MALRD1: variants seen among roughly 807,000 people sequenced by gnomAD.
The protein encoded by MALRD1 is MAM and LDL-receptor class A domain-containing protein 1.
A neutral mutation model predicts 242.1 loss-of-function variants in MALRD1; 247 were observed. That is an observed-to-expected ratio of 1.02 (90% CI 0.92 to 1.13). The LOEUF is 1.13. MALRD1 is among the 50% of genes most tolerant of loss of function. The pLI, the probability that MALRD1 is intolerant of heterozygous loss-of-function variation, is 0.00. For synonymous variants in MALRD1, 995 were observed against 866.6 expected (o/e 1.15, Z -2.60); for missense variants, 2,989 against 2,533.1 (o/e 1.18, Z -3.86).
At chr10:19,282,905 T>G (rs1384329570) in intron 20 of MALRD1, 114 bp from the exon 21 acceptor site, 20 of 714,894 alleles carry the variant, frequency 2.8e-5, no homozygotes, top group Non-Finnish European at 2.0e-5. Flanking sequence ...ATTTTAATAA[T>G]GTTTAAAAGT....
chr10:19,119,709 A>G lies in MALRD1; in HGVS notation c.695-3783A>G, dbSNP rs575659097. On this transcript the variant is annotated intron_variant, in intron 5 of 39. Coordinates refer to ENST00000454679, the MANE Select transcript of MALRD1 (RefSeq NM_001142308.3). ...TAGCCTCCAGCTGCATGACTCCTAA[A>G]CTATAATTTCTATTCTTGTGACTAA... Among the ~76,000 whole-genome samples, 3 of 152,312 alleles carry G rather than the reference A, an allele frequency of 2.0e-5. No homozygotes were observed. The East Asian group carries it at 5.8e-4, about 29-fold the overall frequency.
intron 18 of MALRD1, among the ~76,000 whole-genome samples, chr10:19,250,927 C>T (rs1839267810): frequency 6.6e-6 from 1 of 151,796 alleles, no homozygotes; most frequent in African/African-American, 2.4e-5. Flanking sequence ...GGCCCAATTT[C>T]TTACATCTTT....
intron 21 of MALRD1, among the ~76,000 whole-genome samples, chr10:19,300,444 C>G (rs776225811): frequency 7.2e-5 from 11 of 151,848 alleles, no homozygotes; most frequent in Non-Finnish European, 1.6e-4. Flanking sequence ...AGAAATCATA[C>G]TACCCAATAA....
intron 18 of MALRD1, among the ~76,000 whole-genome samples, chr10:19,255,217 G>A (rs61355800): frequency 0.087 from 13,296 of 151,980 alleles, 659 homozygotes; most frequent in Middle Eastern, 0.12. Flanking sequence ...AACTAAACTG[G>A]ATTTTCAGTT....
chr10:19,212,852 G>T (rs554174713), intron 18 of MALRD1, among the ~76,000 whole-genome samples: 1 of 152,206 alleles, frequency 6.6e-6, no homozygotes, highest in Non-Finnish European at 1.5e-5. Context: ...ATTATGTTGA[G>T]CGTATGTGCT....
chr10:19,647,109 A>G (rs569201985), intron 36 of MALRD1, among the ~76,000 whole-genome samples: 1 of 152,330 alleles, frequency 6.6e-6, no homozygotes, highest in East Asian at 1.9e-4. Context: ...AAACGAATGC[A>G]CTTCCCTGGA....
At chr10:19,446,663 CA>C (rs1234019868) in intron 28 of MALRD1, among the ~76,000 whole-genome samples, 10 of 152,026 alleles carry the variant, frequency 6.6e-5, no homozygotes, top group African/African-American at 2.4e-4. Context: ...ATTTGCAAGA[CA>C]AAAGTTCCAT....
intron 10 of MALRD1, 94 bp from the exon 11 acceptor site, chr10:19,146,104 T>C: frequency 1.1e-6 from 1 of 942,086 alleles, no homozygotes; most frequent in Non-Finnish European, 1.4e-6. Flanking sequence ...AGAATAATTT[T>C]GCAGGCCTCC....
intron 26 of MALRD1, among the ~76,000 whole-genome samples, chr10:19,384,036 G>A (rs185783098): frequency 8.9e-4 from 135 of 151,790 alleles, no homozygotes; most frequent in Non-Finnish European, 1.6e-3. Flanking sequence ...GATAATTCTG[G>A]TATTGGAAGA....
intron 34 of MALRD1, among the ~76,000 whole-genome samples, chr10:19,607,511 A>G (rs1237844707): frequency 2.6e-5 from 4 of 152,130 alleles, no homozygotes; most frequent in Non-Finnish European, 4.4e-5. Flanking sequence ...GTTTCAAGAT[A>G]TGAATGTTGA....
At chr10:19,239,768 G>T (rs561610370) in intron 18 of MALRD1, among the ~76,000 whole-genome samples, 3 of 151,290 alleles carry the variant, frequency 2.0e-5, no homozygotes, top group African/African-American at 7.3e-5. Context: ...CTTTACCCCT[G>T]TGTGTGCTCT....
rs191376976 is a variant in MALRD1, at chr10:19,659,026, C to T, written c.6138-33256C>T. On this transcript the variant is annotated intron_variant, in intron 36 of 39. Coordinates refer to ENST00000454679, the MANE Select transcript of MALRD1 (RefSeq NM_001142308.3). ...GGCAGAAAGCTGCCTGTTTACCAAA[C>T]GGACCAAAAAAATGACTAGTCTGTG... 6.6e-4 allele frequency among the ~76,000 whole-genome samples: 101 copies of T among 152,210 alleles called. No homozygotes were observed. In the South Asian group the frequency reaches 9.5e-3, roughly 14 times the overall value.
chr10:19,294,240 A>G (rs994329407), intron 21 of MALRD1, among the ~76,000 whole-genome samples: 1 of 152,186 alleles, frequency 6.6e-6, no homozygotes, highest in African/African-American at 2.4e-5. Context: ...CTTACATTCT[A>G]ACTCCTGTGA....
rs1157695537 is a variant in MALRD1, at chr10:19,238,386, TTATA to T, written c.2992-19294_2992-19291del. Among the ~76,000 whole-genome samples the T allele has an allele frequency of 2.0e-4, 18 of 88,952 alleles. 5 individuals carry two copies. Among genetic ancestry groups the T allele is most frequent in the African/African-American group, 7.8e-4 (18 of 23,030 alleles). The allele number at this position is 88,952 out of a possible 152,430, so 58.4% of individuals were successfully genotyped here. A position where few individuals can be genotyped will look rare whatever the true frequency, so the allele number is the denominator to read the frequency against. Reference sequence around the variant, plus strand: ...CATAATATATATTATACATAATATATTATATATGTTATATATTATGTATAATATA... The same window carrying T: ...CATAATATATATTATACATAATATATTATGTTATATATTATGTATAATATA... On this transcript the variant is annotated intron_variant, in intron 18 of 39. Transcript: ENST00000454679.
At chr10:19,719,042 A>G (rs1449056117) in intron 38 of MALRD1, among the ~76,000 whole-genome samples, 2 of 150,628 alleles carry the variant, frequency 1.3e-5, no homozygotes, top group Non-Finnish European at 2.9e-5. Flanking sequence ...ACGTGGCTGT[A>G]GGGCTAGATA....
At chr10:19,049,933 G>A (rs1834434790) in intron 1 of MALRD1, among the ~76,000 whole-genome samples, 1 of 152,096 alleles carries the variant, frequency 6.6e-6, no homozygotes, top group Admixed American at 6.5e-5. Flanking sequence ...GGAGACTAGT[G>A]TCATTCTTAC....
chr10:19,239,040 C>G (rs778456840), intron 18 of MALRD1, among the ~76,000 whole-genome samples: 5 of 143,246 alleles, frequency 3.5e-5, no homozygotes, highest in Admixed American at 7.5e-5. Flanking sequence ...TGTGGCATGT[C>G]TTTTAGTTTA....
chr10:19,270,842 A>G (rs1016251479), intron 19 of MALRD1, among the ~76,000 whole-genome samples: 85 of 149,742 alleles, frequency 5.7e-4, no homozygotes, highest in Middle Eastern at 3.4e-3. Context: ...ACACACACAC[A>G]CGCACACACA....
intron 36 of MALRD1, among the ~76,000 whole-genome samples, chr10:19,658,134 G>A (rs1255782004): frequency 6.6e-6 from 1 of 151,836 alleles, no homozygotes; most frequent in Non-Finnish European, 1.5e-5. Flanking sequence ...GGCAACAAGA[G>A]CGAAACTCAA....
Sources: gnomAD v4.1 joint callset for allele counts (sites outside exome capture counted in the v4.1 genomes callset) on GRCh38, gnomAD v4.1.1 for gene constraint, MANE v1.5 for transcripts, NCBI Gene and HGNC (gene_info 2026-07-23, HGNC 2026-07-21) for gene names.